Variants in DPF3 observed in about 807,000 individuals in gnomAD.
DPF3 encodes zinc finger protein DPF3.
In DPF3, 18 loss-of-function variants were observed where a neutral mutation model predicts 56.8. The ratio of observed to expected loss-of-function variants is 0.32; its 90% CI spans 0.22 to 0.47. The LOEUF (loss-of-function observed/expected upper bound fraction) is 0.47, where lower values mean the gene tolerates loss of function less well. Ranked by LOEUF, DPF3 falls within the 20% of genes least tolerant of loss-of-function variation. The pLI is 1.00. For missense variants in DPF3, 403 were observed against 488.8 expected, an observed-to-expected ratio of 0.82 and a Z score of 1.65; for synonymous variants, 188 against 180.2, an observed-to-expected ratio of 1.04 and a Z score of -0.35.
intron 9 of DPF3, among the ~76,000 whole-genome samples, chr14:72,622,385 T>C (rs1884510787): frequency 1.3e-5 from 2 of 152,096 alleles, no homozygotes; most frequent in Admixed American, 1.3e-4. Flanking sequence ...AGTTACATCA[T>C]TATTGCAGAG....
At chr14:72,825,426 T>A (rs1293236855) in intron 1 of DPF3, among the ~76,000 whole-genome samples, 1 of 152,240 alleles carries the variant, frequency 6.6e-6, no homozygotes, top group East Asian at 1.9e-4. Flanking sequence ...TGTGAGTGCC[T>A]AATACCTGCC....
chr14:72,715,081 G>A (rs1384448562), intron 5 of DPF3, among the ~76,000 whole-genome samples: 1 of 152,132 alleles, frequency 6.6e-6, no homozygotes, highest in Non-Finnish European at 1.5e-5. Flanking sequence ...GTAGCTACAG[G>A]GGAGCTCCCG....
rs375709642 is a variant in DPF3, at chr14:72,834,494, CAA to C, written c.32+59561_32+59562del. Among the ~76,000 whole-genome samples the C allele has an allele frequency of 7.8e-4, 71 of 91,420 alleles. 2 individuals carry two copies. Among genetic ancestry groups the C allele is most frequent in the East Asian group, 7.1e-3 (23 of 3,252 alleles). The allele number at this position is 91,420 out of a possible 152,430, so 60.0% of individuals were successfully genotyped here. On this transcript the variant is annotated intron_variant, in intron 1 of 10. Coordinates refer to ENST00000556509, the MANE Select transcript of DPF3 (RefSeq NM_001280542.3). ...CCTGGGTAACAGAGTGAGACTGTCTCAAAAAAAAAAAAAAAAAAAAAATCAGA... is the reference window on the plus strand; with the variant it reads ...CCTGGGTAACAGAGTGAGACTGTCTCAAAAAAAAAAAAAAAAAAAATCAGA...
intron 1 of DPF3, among the ~76,000 whole-genome samples, chr14:72,888,184 A>T (rs1159663777): frequency 6.6e-6 from 1 of 151,904 alleles, no homozygotes; most frequent in Non-Finnish European, 1.5e-5. Context: ...GCTTCCACAC[A>T]TTGCCCCTAA....
chr14:72,630,610 C>T (rs1366981067), intron 8 of DPF3, among the ~76,000 whole-genome samples: 1 of 152,178 alleles, frequency 6.6e-6, no homozygotes, highest in East Asian at 1.9e-4. Flanking sequence ...CGGCCATGAA[C>T]TGTAGAATGC....
At chr14:72,714,645 G>A (rs1446831749) in intron 5 of DPF3, 144 bp from the exon 6 acceptor site, 1 of 826,574 alleles carries the variant, frequency 1.2e-6, no homozygotes, top group Non-Finnish European at 1.9e-6. Context: ...GGAAACTGAG[G>A]CCCAGAGAGG....
rs1599441463 is a variant in DPF3, at chr14:72,787,615, G to A, written c.33-15722C>T. 2.6e-5 allele frequency among the ~76,000 whole-genome samples: 4 copies of A among 152,282 alleles called. No individual in the cohort carries two copies. The South Asian group carries it at 6.2e-4, about 24-fold the overall frequency. ...TGGCTTTCATGGAATAGTCCAGTTC[G>A]CATCAAGGTCCCACTGTAATGATTA... is the stretch of plus-strand genomic sequence containing the variant. On this transcript the variant is annotated intron_variant, in intron 1 of 10. Transcript: ENST00000556509.
chr14:72,862,841 A>G (rs920114708), intron 1 of DPF3, among the ~76,000 whole-genome samples: 2 of 152,050 alleles, frequency 1.3e-5, no homozygotes, highest in East Asian at 1.9e-4. Context: ...ACTTAGTTAC[A>G]TTATCATCTG....
At position 72,615,671 on chromosome 14, in the gene DPF3, C is replaced by T. The variant is rs559849064; in HGVS notation, c.*3626G>A. Reference sequence around the variant, plus strand: ...GGGCTCAGCCTGCCCAGGCTTCCGGCTTCCTACCTCGCCCTGGGGCAGGGA... The same window carrying T: ...GGGCTCAGCCTGCCCAGGCTTCCGGTTTCCTACCTCGCCCTGGGGCAGGGA... On this transcript the variant is annotated 3_prime_UTR_variant, in exon 11 of 11. Coordinates refer to ENST00000556509, the MANE Select transcript of DPF3 (RefSeq NM_001280542.3). 1.5e-4 allele frequency among the ~76,000 whole-genome samples: 23 copies of T among 152,352 alleles called. No homozygotes were observed. Among genetic ancestry groups the T allele is most frequent in the African/African-American group, 5.5e-4 (23 of 41,590 alleles).
intron 3 of DPF3, among the ~76,000 whole-genome samples, chr14:72,752,820 G>A (rs1890634254): frequency 6.6e-6 from 1 of 152,132 alleles, no homozygotes; most frequent in African/African-American, 2.4e-5. Flanking sequence ...CCCTTTTTGT[G>A]TAAGATGCTC....
intron 8 of DPF3, chr14:72,670,854 A>T (rs2153570327): frequency 8.5e-7 from 1 of 1,170,684 alleles, no homozygotes; most frequent in East Asian, 5.7e-5. Context: ...CTAACTTCCT[A>T]TTTCTATGGA....
intron 3 of DPF3, among the ~76,000 whole-genome samples, chr14:72,737,218 A>G (rs1208861751): frequency 6.6e-6 from 1 of 151,742 alleles, no homozygotes; most frequent in African/African-American, 2.4e-5. Flanking sequence ...AACAAAAAAA[A>G]CCACACACAC....
chr14:72,707,072 C>T (rs1201396289), intron 6 of DPF3, among the ~76,000 whole-genome samples: 5 of 151,734 alleles, frequency 3.3e-5, no homozygotes, highest in Admixed American at 1.3e-4. Context: ...TGAGAATATG[C>T]GGTGTTTGGT....
At chr14:72,683,326 CAAAAAAAAA>C (rs56087517) in intron 7 of DPF3, among the ~76,000 whole-genome samples, 3 of 79,610 alleles carry the variant, frequency 3.8e-5, no homozygotes, top group African/African-American at 9.0e-5. Flanking sequence ...GACCCCATCT[CAAAAAAAAA>C]AAAAAAAAAA....
At chr14:72,633,286 C>T (rs1422601047) in intron 8 of DPF3, among the ~76,000 whole-genome samples, 1 of 151,370 alleles carries the variant, frequency 6.6e-6, no homozygotes, top group African/African-American at 2.4e-5. Flanking sequence ...ATGTATGGGT[C>T]GAAATTCAGA....
intron 2 of DPF3, 72 bp from the exon 3 acceptor site, chr14:72,753,443 C>T: frequency 8.0e-7 from 1 of 1,249,156 alleles, no homozygotes; most frequent in Admixed American, 2.6e-5. Context: ...CCTGACTAAC[C>T]CCGTCATTCA....
chr14:72,730,746 T>C (rs1247560551), intron 4 of DPF3, among the ~76,000 whole-genome samples: 1 of 151,888 alleles, frequency 6.6e-6, no homozygotes, highest in Non-Finnish European at 1.5e-5. Context: ...AGAAATACAA[T>C]TTAATTTTAA....
chr14:72,767,231 CA>C (rs1218418321), intron 2 of DPF3, among the ~76,000 whole-genome samples: 2 of 152,138 alleles, frequency 1.3e-5, no homozygotes, highest in African/African-American at 4.8e-5. Flanking sequence ...CGTCTCATAA[CA>C]TAACAGCCAA....
chr14:72,884,942 A>ATATATATATATATATATATATATATATG (rs1380812392), intron 1 of DPF3, among the ~76,000 whole-genome samples: 8 of 61,322 alleles, frequency 1.3e-4, no homozygotes, highest in African/African-American at 1.8e-4. Flanking sequence ...TAAAAATACT[A>ATATATATATATATATATATATATATATG]TATATATATA....
Sources: allele counts gnomAD v4.1 joint callset (sites outside exome capture counted in the v4.1 genomes callset), GRCh38; gene constraint gnomAD v4.1.1; transcripts MANE v1.5; gene names NCBI Gene and HGNC (gene_info 2026-07-23, HGNC 2026-07-21).